JCAD: variants seen among roughly 807,000 people sequenced by gnomAD.
JCAD encodes junctional cadherin 5 associated.
In JCAD, 40 loss-of-function variants were observed where a neutral mutation model predicts 98.0. The ratio of observed to expected loss-of-function variants is 0.41; its 90% CI spans 0.32 to 0.53. JCAD has a LOEUF of 0.53. Ranked by LOEUF, JCAD falls within the 20% of genes least tolerant of loss-of-function variation. The pLI, the probability that JCAD is intolerant of heterozygous loss-of-function variation, is 0.31. For synonymous variants in JCAD, 691 were observed against 682.3 expected, an observed-to-expected ratio of 1.01 and a Z score of -0.20; for missense variants, 1,705 against 1,738.1, an observed-to-expected ratio of 0.98 and a Z score of 0.34.
rs1184804795 is a variant in JCAD, at chr10:30,013,698, G to A, written c.*4185C>T. Reference sequence around the variant, plus strand: ...AGGGCCTGTCTTTCATACGGAAAGGGTTCCTCCTAACCCCTATCAAAGCAT... The same window carrying A: ...AGGGCCTGTCTTTCATACGGAAAGGATTCCTCCTAACCCCTATCAAAGCAT... On this transcript the variant is annotated 3_prime_UTR_variant, in exon 4 of 4. Coordinates refer to ENST00000375377, the MANE Select transcript of JCAD (RefSeq NM_020848.4). 1 of 152,184 alleles carries A rather than the reference G, an allele frequency of 6.6e-6. No homozygotes were observed. The highest frequency in any genetic ancestry group is 1.5e-5 in the Non-Finnish European group (1 of 68,052). The allele number at this position is 152,184 out of a possible 1,614,324, so 9.4% of individuals were successfully genotyped here.
chr10:30,113,548 CAAAAA>C lies in JCAD; in HGVS notation n.128+1814_128+1818del, dbSNP rs71023545. Reference sequence around the variant, plus strand: ...CCTGGGCGACAGAGCGAGACACTGTCAAAAAAAAAAAAAAAAAAAAAAAAAAAAAG... The same window carrying C: ...CCTGGGCGACAGAGCGAGACACTGTCAAAAAAAAAAAAAAAAAAAAAAAAG... On this transcript the variant is annotated intron_variant and non_coding_transcript_variant, in intron 1 of 2. Coordinates refer to the JCAD transcript ENST00000465712. Among the ~76,000 whole-genome samples, 17 of 15,966 alleles carry C rather than the reference CAAAAA, an allele frequency of 1.1e-3. No individual in the cohort carries two copies. In the East Asian group the frequency reaches 0.011, roughly 10 times the overall value. 10.5% of individuals were successfully genotyped at this position (15,966 alleles called of 152,430 possible).
chr10:30,056,080 A>C (rs140039436), intron 1 of JCAD, among the ~76,000 whole-genome samples: 1 of 152,362 alleles, frequency 6.6e-6, no homozygotes, highest in African/African-American at 2.4e-5. Flanking sequence ...AGTCATTAAG[A>C]AAGGACTCAA....
At chr10:30,087,559 G>A (rs1397996016) in intron 1 of JCAD, among the ~76,000 whole-genome samples, 1 of 152,234 alleles carries the variant, frequency 6.6e-6, no homozygotes, top group East Asian at 1.9e-4. Context: ...CTCTTGGCCA[G>A]TTCTCAAGGA....
intron 1 of JCAD, among the ~76,000 whole-genome samples, chr10:30,081,097 T>C (rs1308632010): frequency 6.6e-6 from 1 of 152,200 alleles, no homozygotes; most frequent in Non-Finnish European, 1.5e-5. Flanking sequence ...CCACCTGGGG[T>C]TTCCCAGATG....
At chr10:30,108,852 A>T (rs76317221) in intron 1 of JCAD, among the ~76,000 whole-genome samples, 6 of 132,932 alleles carry the variant, frequency 4.5e-5, no homozygotes, top group East Asian at 2.0e-4. Flanking sequence ...GCTCAAGATT[A>T]AAAAAAAAAA....
intron 2 of JCAD, among the ~76,000 whole-genome samples, chr10:30,038,235 A>G (rs2132631573): frequency 6.6e-6 from 1 of 152,282 alleles, no homozygotes; most frequent in African/African-American, 2.4e-5. Flanking sequence ...TAGTAAATTC[A>G]CAACTGGTGC....
At position 30,026,580 on chromosome 10, in the gene JCAD, C is replaced by G. The variant is rs758055788; in HGVS notation, c.3568G>C (p.Glu1190Gln). Residue 1190 changes from glutamate to glutamine, a missense_variant, in exon 3 of 4, where the codon GAG becomes CAG. Physicochemically the swap from Glu to Gln is conservative, Grantham distance 29. Coordinates refer to ENST00000375377, the MANE Select transcript of JCAD (RefSeq NM_020848.4). Reference protein sequence around the residue: ...GVVTSTDPVPEPEPSPLESKF... With the variant: ...GVVTSTDPVPQPEPSPLESKF... ...GACTCCAAGGGGCTGGGCTCAGGCT[C>G]AGGGACAGGGTCTGTGCTGGTGACA... 6.2e-7 allele frequency: 1 copy of G among 1,614,016 alleles called. No individual in the cohort carries two copies. Among genetic ancestry groups the G allele is most frequent in the African/African-American group, 1.3e-5 (1 of 74,930 alleles).
intron 1 of JCAD, among the ~76,000 whole-genome samples, chr10:30,083,734 G>C (rs1371911489): frequency 6.6e-6 from 1 of 152,172 alleles, no homozygotes; most frequent in Admixed American, 6.6e-5. Context: ...TAAGCCATAA[G>C]AAAGAAAAGG....
intron 1 of JCAD, among the ~76,000 whole-genome samples, chr10:30,113,820 T>G (rs1838747294): frequency 6.6e-6 from 1 of 152,160 alleles, no homozygotes; most frequent in South Asian, 2.1e-4. Flanking sequence ...ATTTGAATAC[T>G]TGAACACCCT....
At chr10:30,031,845 C>T (rs1338977374) in intron 2 of JCAD, among the ~76,000 whole-genome samples, 1 of 148,068 alleles carries the variant, frequency 6.8e-6, no homozygotes, top group Non-Finnish European at 1.5e-5. Flanking sequence ...AGCTCCGCCT[C>T]CCGTGTTCAC....
rs1836853676 is a variant in JCAD, at chr10:30,027,528, AGTGAGCACG to A, written c.2611_2619del (p.Arg871_His873del). ...CGGAAGCCCACATCCTCCTGTCTGC[AGTGAGCACG>A]GTTCTCCTGCTGCGGCTCCGCCTCA... On this transcript the variant is annotated inframe_deletion, in exon 3 of 4. Transcript: ENST00000375377. The A allele has an allele frequency of 6.2e-7, 1 of 1,612,764 alleles. No individual in the cohort carries two copies. Among genetic ancestry groups the A allele is most frequent in the Non-Finnish European group, 8.5e-7 (1 of 1,180,042 alleles).
chr10:30,067,703 A>G lies in JCAD; in HGVS notation n.250+1997T>C, dbSNP rs1205383052. Among the ~76,000 whole-genome samples the G allele has an allele frequency of 3.3e-5, 5 of 152,220 alleles. No homozygotes were observed. The East Asian group carries it at 9.6e-4, about 29-fold the overall frequency. On this transcript the variant is annotated intron_variant and non_coding_transcript_variant, in intron 2 of 2. Transcript: ENST00000465712. ...CCTTGACTTATGTCCTTCGATGTAC[A>G]AAAGGGTAGCACTTACTAGCGGGGT...
rs1422056365 is a variant in JCAD at position 30,055,357 on chromosome 10, A to C, written c.-60+4125T>G. 2.6e-5 allele frequency among the ~76,000 whole-genome samples: 4 copies of C among 152,256 alleles called. No homozygotes were observed. In the East Asian group the frequency reaches 7.7e-4, roughly 29 times the overall value. ...TCTAATGCTATGATTAATATATAAC[A>C]AAGTACTTTCTTTAAACAAGAGGTA... is the stretch of plus-strand genomic sequence containing the variant. On this transcript the variant is annotated intron_variant, in intron 1 of 3. Coordinates refer to ENST00000375377, the MANE Select transcript of JCAD (RefSeq NM_020848.4).
chr10:30,077,624 T>C (rs1838004721), intron 1 of JCAD, among the ~76,000 whole-genome samples: 1 of 152,206 alleles, frequency 6.6e-6, no homozygotes, highest in Non-Finnish European at 1.5e-5. Flanking sequence ...TACTCTGTCT[T>C]CCATTTACAA....
intron 1 of JCAD, among the ~76,000 whole-genome samples, chr10:30,078,691 A>T (rs551027530): frequency 6.8e-6 from 1 of 146,370 alleles, no homozygotes; most frequent in South Asian, 2.1e-4. Flanking sequence ...TCCCCTTTAC[A>T]CTACTACACA....
At chr10:30,058,241 A>C (rs1837619828) in intron 1 of JCAD, among the ~76,000 whole-genome samples, 1 of 152,210 alleles carries the variant, frequency 6.6e-6, no homozygotes, top group Non-Finnish European at 1.5e-5. Flanking sequence ...ACATCACATT[A>C]AACTGTCAGG....
intron 1 of JCAD, among the ~76,000 whole-genome samples, chr10:30,104,780 GTTTTTGTT>G (rs1490134624): frequency 2.9e-5 from 4 of 137,276 alleles, no homozygotes; most frequent in Non-Finnish European, 4.8e-5. Context: ...AAAGTTTTTT[GTTTTTGTT>G]TGTTTGTTTG....
intron 1 of JCAD, among the ~76,000 whole-genome samples, chr10:30,100,178 G>A (rs1293636552): frequency 1.3e-5 from 2 of 152,062 alleles, no homozygotes; most frequent in Non-Finnish European, 1.5e-5. Context: ...TTGCCTTGCT[G>A]AGAATTAAAA....
intron 1 of JCAD, among the ~76,000 whole-genome samples, chr10:30,110,499 T>C (rs1838674674): frequency 6.6e-6 from 1 of 151,138 alleles, no homozygotes; most frequent in South Asian, 2.1e-4. Flanking sequence ...CCCTCCCCGA[T>C]ATATGGACTA....
Sources: allele counts gnomAD v4.1 joint callset (sites outside exome capture counted in the v4.1 genomes callset), GRCh38; gene constraint gnomAD v4.1.1; transcripts MANE v1.5; gene names NCBI Gene and HGNC (gene_info 2026-07-23, HGNC 2026-07-21).